CRYL1: variants seen among roughly 807,000 people sequenced by gnomAD.
The protein encoded by CRYL1 is lambda-crystallin homolog.
In CRYL1, 29 loss-of-function variants were observed where a neutral mutation model predicts 36.6. That is an observed-to-expected ratio of 0.79 (90% CI 0.59 to 1.08). The LOEUF is 1.08. Among genes scored for constraint, CRYL1 ranks in the 50% least tolerant of loss-of-function variants. CRYL1 has a pLI of 0.00. For synonymous variants in CRYL1, 152 were observed against 151.5 expected (o/e 1.00, Z -0.02); for missense variants, 411 against 407.9 (o/e 1.01, Z -0.06).
rs115786478 is a variant in CRYL1, at chr13:20,435,959, C to A, written c.438+3634G>T. Among the ~76,000 whole-genome samples, 1 of 152,204 alleles carries A rather than the reference C, an allele frequency of 6.6e-6. No homozygotes were observed. The highest frequency in any genetic ancestry group is 1.5e-5 in the Non-Finnish European group (1 of 68,026). ...CGGCGGCGCGCTCGCAGGGAGGGCT[C>A]AAAGGCAGCTCGGAGCGGCCGCAGG... is the stretch of plus-strand genomic sequence containing the variant. On this transcript the variant is annotated intron_variant, in intron 4 of 7. Coordinates refer to ENST00000298248, the MANE Select transcript of CRYL1 (RefSeq NM_015974.3). The surrounding 1 kb of genome is among the most constrained non-coding windows in gnomAD (Gnocchi z 4.0).
intron 5 of CRYL1, chr13:20,426,555 G>C: frequency 3.4e-6 from 1 of 297,890 alleles, no homozygotes. Flanking sequence ...TATCTATTGT[G>C]AGCTTGCGGT....
At chr13:20,452,488 T>C (rs1013807707) in intron 3 of CRYL1, among the ~76,000 whole-genome samples, 3 of 152,166 alleles carry the variant, frequency 2.0e-5, no homozygotes, top group African/African-American at 7.2e-5. Flanking sequence ...TCCAAGAAGA[T>C]ACAACAACTC....
chr13:20,485,769 T>C lies in CRYL1; in HGVS notation c.276+3601A>G, dbSNP rs180994701. On this transcript the variant is annotated intron_variant, in intron 3 of 7. Transcript: ENST00000298248. The stretch of plus-strand genomic sequence containing the variant: ...GCAAAAATGAACTGCTGATTCTTTT[T>C]TCTTACTCATCTTTCCTTCTGATTC... Among the ~76,000 whole-genome samples, 1,192 of 152,276 alleles carry C rather than the reference T, an allele frequency of 7.8e-3. 5 individuals carry two copies. The highest frequency in any genetic ancestry group is 0.013 in the South Asian group (63 of 4,824).
At chr13:20,406,769 A>G (rs1377217739) in intron 6 of CRYL1, among the ~76,000 whole-genome samples, 1 of 152,030 alleles carries the variant, frequency 6.6e-6, no homozygotes, top group Non-Finnish European at 1.5e-5. Context: ...TTGAAAATAC[A>G]TTAAATTAGA....
At chr13:20,484,018 G>A (rs570208827) in intron 3 of CRYL1, among the ~76,000 whole-genome samples, 5 of 152,238 alleles carry the variant, frequency 3.3e-5, no homozygotes, top group East Asian at 1.9e-4. Flanking sequence ...GCATTTCACC[G>A]TGTTAGCCAG....
chr13:20,410,087 T>G (rs2031479294), intron 6 of CRYL1, among the ~76,000 whole-genome samples: 1 of 151,932 alleles, frequency 6.6e-6, no homozygotes, highest in Non-Finnish European at 1.5e-5. Flanking sequence ...TGCACACGTA[T>G]GTTTATAGCG....
intron 6 of CRYL1, 58 bp from the exon 7 acceptor site, chr13:20,404,799 T>G: frequency 8.2e-7 from 1 of 1,213,166 alleles, no homozygotes; most frequent in Non-Finnish European, 1.2e-6. Flanking sequence ...CTTAGTTATA[T>G]TCAAACTCAG....
At chr13:20,498,903 G>A (rs2033656905) in intron 2 of CRYL1, among the ~76,000 whole-genome samples, 1 of 152,210 alleles carries the variant, frequency 6.6e-6, no homozygotes. Flanking sequence ...GATATCAAGT[G>A]TCTTAAAACC....
chr13:20,409,618 T>C (rs2031467689), intron 6 of CRYL1, among the ~76,000 whole-genome samples: 1 of 151,810 alleles, frequency 6.6e-6, no homozygotes, highest in Non-Finnish European at 1.5e-5. Context: ...GGAGAAAATT[T>C]TCACAACCTA....
intron 3 of CRYL1, among the ~76,000 whole-genome samples, chr13:20,483,877 C>T (rs549413959): frequency 8.5e-4 from 129 of 151,884 alleles, no homozygotes; most frequent in Middle Eastern, 6.8e-3. Flanking sequence ...AGTGCAGTGG[C>T]GCGATCTTGG....
intron 6 of CRYL1, chr13:20,406,141 C>A (rs1000583170): frequency 6.6e-6 from 1 of 152,188 alleles, no homozygotes; most frequent in Non-Finnish European, 1.5e-5. Flanking sequence ...ACAAAGGTAA[C>A]ATGGGGACAA....
chr13:20,445,211 G>C (rs575107164), intron 3 of CRYL1, among the ~76,000 whole-genome samples: 33 of 152,280 alleles, frequency 2.2e-4, no homozygotes, highest in Admixed American at 7.2e-4. Context: ...GGAACCCAGA[G>C]ATATAAGGCT....
intron 3 of CRYL1, among the ~76,000 whole-genome samples, chr13:20,452,746 A>G (rs2032597359): frequency 6.6e-6 from 1 of 152,200 alleles, no homozygotes; most frequent in Admixed American, 6.5e-5. Context: ...ATCAACTGTA[A>G]TAAATGTGCC....
At chr13:20,484,064 C>T (rs1438130361) in intron 3 of CRYL1, among the ~76,000 whole-genome samples, 2 of 152,218 alleles carry the variant, frequency 1.3e-5, no homozygotes, top group Non-Finnish European at 2.9e-5. Flanking sequence ...GATCTGCCCG[C>T]CTTGGCCTCC....
intron 3 of CRYL1, among the ~76,000 whole-genome samples, chr13:20,456,752 G>A (rs970523134): frequency 6.6e-6 from 1 of 151,704 alleles, no homozygotes; most frequent in Non-Finnish European, 1.5e-5. Context: ...TACACGACCT[G>A]CCCACCCCCC....
intron 5 of CRYL1, chr13:20,426,888 C>A: frequency 1.0e-6 from 1 of 985,546 alleles, no homozygotes. Flanking sequence ...CTCTGCGGCC[C>A]AGGCCCTAAG....
At chr13:20,475,893 C>G (rs2033156673) in intron 3 of CRYL1, among the ~76,000 whole-genome samples, 1 of 152,206 alleles carries the variant, frequency 6.6e-6, no homozygotes, top group South Asian at 2.1e-4. Flanking sequence ...CCACAAATCA[C>G]AGGCAGAGAG....
intron 4 of CRYL1, among the ~76,000 whole-genome samples, chr13:20,434,299 T>C (rs1428820825): frequency 1.3e-5 from 2 of 152,172 alleles, no homozygotes; most frequent in African/African-American, 4.8e-5. Flanking sequence ...AATCAGGAAC[T>C]TTCCTGTCTT....
intron 3 of CRYL1, among the ~76,000 whole-genome samples, chr13:20,464,902 C>T (rs917442016): frequency 3.3e-5 from 5 of 152,186 alleles, no homozygotes; most frequent in Admixed American, 1.3e-4. Context: ...TACACACAGC[C>T]GCCTTCGCCA....
Sources: allele counts gnomAD v4.1 joint callset (sites outside exome capture counted in the v4.1 genomes callset), GRCh38; gene constraint gnomAD v4.1.1; non-coding constraint Gnocchi (gnomAD v3.1); transcripts MANE v1.5; gene names NCBI Gene and HGNC (gene_info 2026-07-23, HGNC 2026-07-21).